Variants in MMP11 observed in about 807,000 individuals in gnomAD.
MMP11 encodes the protein matrix metallopeptidase 11, also known as stromelysin-3.
A neutral mutation model predicts 49.5 loss-of-function variants in MMP11; 26 were observed. The observed-to-expected ratio is 0.52, with a 90% CI of 0.38 to 0.73. The LOEUF (loss-of-function observed/expected upper bound fraction) is 0.73, where lower values mean the gene tolerates loss of function less well. Among genes scored for constraint, MMP11 ranks in the 30% least tolerant of loss-of-function variants. The pLI, the probability that MMP11 is intolerant of heterozygous loss-of-function variation, is 0.00. For missense variants in MMP11, 624 were observed against 671.2 expected (o/e 0.93, Z 0.78); for synonymous variants, 265 against 282.3 (o/e 0.94, Z 0.62).
Position 23,782,428 on chromosome 22 carries a change from C to G in MMP11, c.1278C>G (p.Ala426=). 6.2e-7 allele frequency: 1 copy of G among 1,613,706 alleles called. No homozygotes were observed. The highest frequency in any genetic ancestry group is 8.5e-7 in the Non-Finnish European group (1 of 1,179,970). The change falls in exon 7 of 8, where the codon GCC becomes GCG. Residue 426 remains alanine, a synonymous_variant. Coordinates refer to ENST00000215743, the MANE Select transcript of MMP11 (RefSeq NM_005940.5). ...TAGACAGTCCCGTGCCCCGCAGGGC[C>G]ACTGACTGGAGAGGGGTGCCCTCTG... ...RRVDSPVPRR[A]TDWRGVPSEI...
chr22:23,783,562 T>C lies in MMP11; in HGVS notation c.*18T>C, dbSNP rs764621438. ...TCCTCTGACCATGGCTTGGATGCCC[T>C]CAGGGGTGCTGACCCCTGCCAGGCC... On this transcript the variant is annotated 3_prime_UTR_variant, in exon 8 of 8. Coordinates refer to ENST00000215743, the MANE Select transcript of MMP11 (RefSeq NM_005940.5). 6.2e-7 allele frequency: 1 copy of C among 1,613,700 alleles called. No individual in the cohort carries two copies. Among genetic ancestry groups the C allele is most frequent in the Non-Finnish European group, 8.5e-7 (1 of 1,179,666 alleles).
chr22:23,779,028 C>T (rs2145940195), intron 1 of MMP11, among the ~76,000 whole-genome samples, 159 bp from the exon 2 acceptor site: 1 of 152,330 alleles, frequency 6.6e-6, no homozygotes, highest in South Asian at 2.1e-4. Flanking sequence ...AGCCAGATGC[C>T]AAAGGGCCCT....
intron 1 of MMP11, chr22:23,777,573 A>ATC (rs1472293252): frequency 7.5e-5 from 11 of 146,388 alleles, no homozygotes; most frequent in African/African-American, 2.9e-4. Flanking sequence ...TCTCAAAAAA[A>ATC]AAAAAAAAAA....
In MMP11 at chr22:23,780,189, T is replaced by C; in HGVS notation, c.339-170T>C. 5.5e-6 allele frequency: 4 copies of C among 728,356 alleles called. No individual in the cohort carries two copies. The highest frequency in any genetic ancestry group is 9.0e-6 in the Non-Finnish European group (4 of 443,376). The allele number at this position is 728,356 out of a possible 1,614,324, so 45.1% of individuals were successfully genotyped here. ...TAAGTATGAGCAAACCACATACACA[T>C]GTGCCCATGTGGCCAGGGAGACCAG... On this transcript the variant is annotated intron_variant, in intron 2 of 7. Transcript: ENST00000215743. The surrounding 1 kb of genome is among the most constrained non-coding windows in gnomAD (Gnocchi z 4.6).
At chr22:23,779,677 G>GA in intron 2 of MMP11, 1 of 544,638 alleles carries the variant, frequency 1.8e-6, no homozygotes, top group South Asian at 2.5e-5. Flanking sequence ...ACATGCCTGC[G>GA]GACGGGTGTT....
At chr22:23,778,476 C>A (rs1460341622) in intron 1 of MMP11, among the ~76,000 whole-genome samples, 1 of 152,208 alleles carries the variant, frequency 6.6e-6, no homozygotes, top group African/African-American at 2.4e-5. Flanking sequence ...CCACTGTACT[C>A]CTAGCCCTGG....
In MMP11 at chr22:23,780,827, T is replaced by TC; in HGVS notation, c.617-31dup. On this transcript the variant is annotated intron_variant, in intron 4 of 7. Transcript: ENST00000215743. The surrounding 1 kb of genome is among the most constrained non-coding windows in gnomAD (Gnocchi z 4.6). ...GAGCTGGATGTCCTGGGCAGGAGGT[T>TC]CGGGGGTTGCTGAGCCACCTCCCTT... 6.3e-7 allele frequency: 1 copy of TC among 1,599,226 alleles called. No individual in the cohort carries two copies. The highest frequency in any genetic ancestry group is 1.7e-4 in the Middle Eastern group (1 of 5,992).
At chr22:23,778,527 C>T (rs1927494965) in intron 1 of MMP11, among the ~76,000 whole-genome samples, 1 of 152,216 alleles carries the variant, frequency 6.6e-6, no homozygotes, top group Admixed American at 6.5e-5. Flanking sequence ...AGCCAGGCCT[C>T]AGTGGCCAGG....
In MMP11 at chr22:23,781,253, G is replaced by A. The variant is rs1051087145; in HGVS notation, c.919G>A (p.Glu307Lys). 6 of 1,611,646 alleles carry A rather than the reference G, an allele frequency of 3.7e-6. No individual in the cohort carries two copies. Among genetic ancestry groups the A allele is most frequent in the Admixed American group, 1.7e-5 (1 of 60,012 alleles). Residue 307 changes from glutamate (E) to lysine (K), a missense_variant, in exon 6 of 8, where the codon GAG becomes AAG. Transcript: ENST00000215743. ...SFDAVSTIRGELFFFKAGFVW... is the reference protein window; with the variant it reads ...SFDAVSTIRGKLFFFKAGFVW... ...TGACGCGGTCTCCACCATCCGAGGC[G>A]AGCTCTTTTTCTTCAAAGCGGGCTT...
In MMP11 at chr22:23,780,442, C is replaced by T. The variant is rs755891150; in HGVS notation, c.422C>T (p.Thr141Met). 1.1e-5 allele frequency: 18 copies of T among 1,613,914 alleles called. No homozygotes were observed. Among genetic ancestry groups the T allele is most frequent in the East Asian group, 2.2e-5 (1 of 44,872 alleles). ...AEALKVWSDV[T>M]PLTFTEVHEG... ...GCCCTAAAGGTATGGAGCGATGTGA[C>T]GCCACTCACCTTTACTGAGGTGCAC... Residue 141 changes from threonine to methionine, a missense_variant, in exon 3 of 8, where the codon ACG (threonine) becomes ATG (methionine). Coordinates refer to ENST00000215743, the MANE Select transcript of MMP11 (RefSeq NM_005940.5). The surrounding 1 kb of genome is among the most constrained non-coding windows in gnomAD (Gnocchi z 4.6).
chr22:23,774,826 G>A (rs1365325205), intron 1 of MMP11, among the ~76,000 whole-genome samples: 2 of 152,130 alleles, frequency 1.3e-5, no homozygotes, highest in African/African-American at 2.4e-5. Context: ...CTTTCGCAGT[G>A]TTTCCTGGCA....
chr22:23,776,377 G>C (rs146467848), intron 1 of MMP11, among the ~76,000 whole-genome samples: 1 of 152,188 alleles, frequency 6.6e-6, no homozygotes, highest in Non-Finnish European at 1.5e-5. Flanking sequence ...GCAGTGTGGC[G>C]AGGAGGAGGA....
chr22:23,783,541 C>T lies in MMP11; in HGVS notation c.1464C>T (p.Leu488=). 3.7e-6 allele frequency: 6 copies of T among 1,614,202 alleles called. No homozygotes were observed. The highest frequency in any genetic ancestry group is 5.1e-6 in the Non-Finnish European group (6 of 1,180,014). ...GTGCCGAGCCTGCCAACACTTTCCT[C>T]TGACCATGGCTTGGATGCCCTCAGG... ...FGCAEPANTF[L] is the part of the protein sequence containing the mutation. The change falls in exon 8 of 8, where the codon CTC becomes CTT. Residue 488 remains leucine (L), a synonymous_variant. Coordinates refer to ENST00000215743, the MANE Select transcript of MMP11 (RefSeq NM_005940.5).
intron 6 of MMP11, chr22:23,782,025 G>T: frequency 1.3e-6 from 1 of 762,290 alleles, no homozygotes; most frequent in East Asian, 2.5e-5. Context: ...CTAGTTTACA[G>T]AGCATTCACT....
Position 23,776,995 on chromosome 22 carries a change from G to A in MMP11, c.109-2192G>A, listed in dbSNP as rs368642681. The stretch of plus-strand genomic sequence containing the variant: ...GCTAATTTTTTGTATTTTTAGTAGA[G>A]ACGGGGTTTCACCGTGTTAGCCAGG... On this transcript the variant is annotated intron_variant, in intron 1 of 7. Coordinates refer to ENST00000215743, the MANE Select transcript of MMP11 (RefSeq NM_005940.5). 7.1e-4 allele frequency among the ~76,000 whole-genome samples: 107 copies of A among 151,330 alleles called. 3 individuals are homozygous for A. The East Asian group carries it at 0.019, about 27-fold the overall frequency.
intron 1 of MMP11, among the ~76,000 whole-genome samples, chr22:23,776,180 C>T (rs1927403868): frequency 6.6e-6 from 1 of 152,186 alleles, no homozygotes; most frequent in Non-Finnish European, 1.5e-5. Flanking sequence ...TGACTGTCTG[C>T]ACCAGGACTC....
At position 23,783,741 on chromosome 22, in the gene MMP11, T is replaced by C; in HGVS notation, c.*197T>C. On this transcript the variant is annotated 3_prime_UTR_variant, in exon 8 of 8. Coordinates refer to ENST00000215743, the MANE Select transcript of MMP11 (RefSeq NM_005940.5). The stretch of plus-strand genomic sequence containing the variant: ...CAGGTCGTGGTCACCTGCCAGCGAC[T>C]GTCTCAGACTGGGCAGGGAGGCTTT... 3.0e-6 allele frequency: 2 copies of C among 666,368 alleles called. No individual in the cohort carries two copies. The highest frequency in any genetic ancestry group is 5.1e-6 in the Non-Finnish European group (2 of 392,798). 41.3% of individuals were successfully genotyped at this position (666,368 alleles called of 1,614,324 possible).
In MMP11 at chr22:23,780,962, C is replaced by A; in HGVS notation, c.720C>A (p.Arg240=). The change falls in exon 5 of 8, where the codon CGC becomes CGA. Residue 240 remains arginine, a synonymous_variant. Transcript: ENST00000215743. This position sits in a 1 kb window ranked among gnomAD's most constrained non-coding sequence, Gnocchi z 4.6. Reference sequence around the variant, plus strand: ...TGATGTCCGCCTTCTACACCTTTCGCTACCCACTGAGTCTCAGCCCAGATG... The same window carrying A: ...TGATGTCCGCCTTCTACACCTTTCGATACCCACTGAGTCTCAGCCCAGATG... ...KALMSAFYTF[R]YPLSLSPDDC... 3 of 1,613,868 alleles carry A rather than the reference C, an allele frequency of 1.9e-6. No homozygotes were observed. The highest frequency in any genetic ancestry group is 2.5e-6 in the Non-Finnish European group (3 of 1,180,026).
intron 7 of MMP11, 94 bp from the exon 8 acceptor site, chr22:23,783,317 G>T (rs554697532): frequency 1.3e-6 from 2 of 1,510,460 alleles, no homozygotes; most frequent in Admixed American, 1.8e-5. Flanking sequence ...TTCCCACTCA[G>T]CCCTCCCTTA....
Sources: gnomAD v4.1 joint callset for allele counts (sites outside exome capture counted in the v4.1 genomes callset) on GRCh38, gnomAD v4.1.1 for gene constraint, Gnocchi (gnomAD v3.1) non-coding constraint, MANE v1.5 for transcripts, NCBI Gene and HGNC (gene_info 2026-07-23, HGNC 2026-07-21) for gene names.